Variants in PLCB1 observed in about 807,000 individuals in gnomAD.
PLCB1 encodes the protein phospholipase C beta 1, also known as 1-phosphatidylinositol 4,5-bisphosphate phosphodiesterase beta-1.
PLCB1 carries 46 observed loss-of-function variants against 161.8 expected under a neutral mutation model. The observed-to-expected ratio is 0.28, with a 90% CI of 0.22 to 0.36. The LOEUF (loss-of-function observed/expected upper bound fraction) is 0.36, where lower values mean the gene tolerates loss of function less well. PLCB1 is among the 10% of genes least tolerant of loss of function. The pLI, the probability that PLCB1 is intolerant of heterozygous loss-of-function variation, is 1.00. For missense variants in PLCB1, 1,016 were observed against 1,472.5 expected (o/e 0.69, Z 5.07); for synonymous variants, 517 against 503.7 (o/e 1.03, Z -0.35).
rs1297471784 is a variant in PLCB1 at position 8,883,987 on chromosome 20, T to C, written c.*2138T>C. On this transcript the variant is annotated 3_prime_UTR_variant, in exon 32 of 32. Coordinates refer to ENST00000338037, the MANE Select transcript of PLCB1 (RefSeq NM_015192.4). ...TAATAGCATTCATAACCAAACACAA[T>C]GATGATTATTGCAGAACATTGTATC... The C allele has an allele frequency of 2.0e-5, 3 of 152,426 alleles. No homozygotes were observed. The highest frequency in any genetic ancestry group is 4.8e-5 in the African/African-American group (2 of 41,460). 9.4% of individuals were successfully genotyped at this position (152,426 alleles called of 1,614,324 possible).
intron 3 of PLCB1, among the ~76,000 whole-genome samples, chr20:8,620,776 A>T (rs971673649): frequency 6.6e-6 from 1 of 151,460 alleles, no homozygotes; most frequent in Non-Finnish European, 1.5e-5. Flanking sequence ...AAAAGAAAAG[A>T]AAAGAAACAG....
At chr20:8,148,730 G>A (rs184699029) in intron 1 of PLCB1, among the ~76,000 whole-genome samples, 1 of 152,320 alleles carries the variant, frequency 6.6e-6, no homozygotes, top group East Asian at 1.9e-4. Flanking sequence ...ACAGGAAGGA[G>A]ATATGACACA....
intron 10 of PLCB1, among the ~76,000 whole-genome samples, chr20:8,694,894 C>T (rs1489634588): frequency 1.3e-5 from 2 of 152,184 alleles, no homozygotes; most frequent in Non-Finnish European, 2.9e-5. Context: ...TTGAATTATT[C>T]ACTTCCTTTA....
intron 23 of PLCB1, 43 bp downstream of exon 23, chr20:8,741,616 C>T: frequency 7.9e-7 from 1 of 1,268,986 alleles, no homozygotes; most frequent in Non-Finnish European, 1.1e-6. Flanking sequence ...TAAGCATGAT[C>T]ACCACACCTA....
At chr20:8,494,755 C>T (rs1983090019) in intron 3 of PLCB1, among the ~76,000 whole-genome samples, 3 of 152,180 alleles carry the variant, frequency 2.0e-5, no homozygotes, top group Admixed American at 2.0e-4. Context: ...TTGCTGTTTA[C>T]TTCCTTGCTT....
intron 3 of PLCB1, among the ~76,000 whole-genome samples, chr20:8,560,178 A>C (rs890223143): frequency 6.6e-6 from 1 of 151,986 alleles, no homozygotes; most frequent in Non-Finnish European, 1.5e-5. Context: ...TAAGACCTGC[A>C]TTTCTAACAA....
At chr20:8,651,391 C>T (rs748613959) in intron 7 of PLCB1, 2 of 713,512 alleles carry the variant, frequency 2.8e-6, no homozygotes, top group Admixed American at 2.0e-5. Context: ...AGCACCTCTT[C>T]ACTATCACCT....
chr20:8,187,572 C>T (rs1022147696), intron 2 of PLCB1, among the ~76,000 whole-genome samples: 1 of 152,112 alleles, frequency 6.6e-6, no homozygotes, highest in Non-Finnish European at 1.5e-5. Flanking sequence ...GCAGGTATCT[C>T]TCCACTTCCT....
intron 2 of PLCB1, among the ~76,000 whole-genome samples, chr20:8,324,693 A>T (rs902783481): frequency 2.6e-5 from 4 of 152,106 alleles, no homozygotes; most frequent in African/African-American, 7.2e-5. Flanking sequence ...CATTTTTTTT[A>T]AATAAAAGTG....
chr20:8,174,621 A>C (rs1298277308), intron 2 of PLCB1, among the ~76,000 whole-genome samples: 1 of 152,248 alleles, frequency 6.6e-6, no homozygotes, highest in African/African-American at 2.4e-5. Flanking sequence ...ACATTATGTT[A>C]GCATCCGATA....
At chr20:8,774,412 CA>C in intron 26 of PLCB1, 126 bp from the exon 27 acceptor site, 2 of 867,666 alleles carry the variant, frequency 2.3e-6, no homozygotes, top group Non-Finnish European at 3.5e-6. Context: ...CCCTCTACCC[CA>C]AGTGGCTTAT....
chr20:8,587,181 T>A (rs201933203), intron 3 of PLCB1, among the ~76,000 whole-genome samples: 4,663 of 94,780 alleles, frequency 0.049, 111 homozygotes, highest in African/African-American at 0.11. Context: ...AATTAAAAAA[T>A]ATATATATAT....
chr20:8,821,393 G>A (rs1331357794), intron 31 of PLCB1, among the ~76,000 whole-genome samples: 1 of 146,986 alleles, frequency 6.8e-6, no homozygotes, highest in Non-Finnish European at 1.5e-5. Context: ...CAGGAGAATT[G>A]CTTGAACCTG....
intron 31 of PLCB1, among the ~76,000 whole-genome samples, chr20:8,874,125 T>G (rs1448497498): frequency 6.6e-6 from 1 of 151,940 alleles, no homozygotes; most frequent in East Asian, 1.9e-4. Flanking sequence ...TTGGCTTTAT[T>G]TAATTACTCC....
intron 7 of PLCB1, chr20:8,652,378 A>G (rs1375538630): frequency 6.6e-6 from 1 of 152,154 alleles, no homozygotes; most frequent in Non-Finnish European, 1.5e-5. Flanking sequence ...TAGAATTAGA[A>G]TGCTTTTTAA....
At chr20:8,769,656 T>A (rs1445014806) in intron 26 of PLCB1, among the ~76,000 whole-genome samples, 1 of 152,234 alleles carries the variant, frequency 6.6e-6, no homozygotes, top group East Asian at 1.9e-4. Flanking sequence ...GTAAAGATTA[T>A]CTCAAAAGCT....
At chr20:8,833,766 A>G (rs1043005260) in intron 31 of PLCB1, among the ~76,000 whole-genome samples, 3 of 152,218 alleles carry the variant, frequency 2.0e-5, no homozygotes, top group Admixed American at 6.5e-5. Flanking sequence ...TGGTAAGTCA[A>G]TATAGCCGCT....
chr20:8,216,369 C>A (rs936166840), intron 2 of PLCB1, among the ~76,000 whole-genome samples: 3 of 152,000 alleles, frequency 2.0e-5, no homozygotes, highest in Non-Finnish European at 4.4e-5. Flanking sequence ...TACAAGGCTG[C>A]AATATTCACT....
At chr20:8,349,173 A>T (rs1470654298) in intron 2 of PLCB1, among the ~76,000 whole-genome samples, 3 of 152,200 alleles carry the variant, frequency 2.0e-5, no homozygotes, top group Non-Finnish European at 4.4e-5. Context: ...AATCCTTGGG[A>T]ATTCAGAGGA....
Sources: gnomAD v4.1 joint callset for allele counts (sites outside exome capture counted in the v4.1 genomes callset) on GRCh38, gnomAD v4.1.1 for gene constraint, MANE v1.5 for transcripts, NCBI Gene and HGNC (gene_info 2026-07-23, HGNC 2026-07-21) for gene names.